Variants in PTPRD observed in about 807,000 individuals in gnomAD.
The protein encoded by PTPRD is receptor-type tyrosine-protein phosphatase delta.
A neutral mutation model predicts 214.5 loss-of-function variants in PTPRD; 34 were observed. The ratio of observed to expected loss-of-function variants is 0.16; its 90% CI spans 0.12 to 0.21. The LOEUF (loss-of-function observed/expected upper bound fraction) is 0.21, where lower values mean the gene tolerates loss of function less well. Ranked by LOEUF, PTPRD falls within the 10% of genes least tolerant of loss-of-function variation. PTPRD has a pLI of 1.00. For missense variants in PTPRD, 2,545 were observed against 2,398.7 expected (o/e 1.06, Z -1.27); for synonymous variants, 1,128 against 845.7 (o/e 1.33, Z -5.79).
rs116861919 is a variant in PTPRD at position 8,708,621 on chromosome 9, G to C, written c.64+25159C>G. 1.4e-3 allele frequency among the ~76,000 whole-genome samples: 196 copies of C among 143,190 alleles called. 3 individuals carry two copies. The East Asian group carries it at 0.041, about 30-fold the overall frequency. The allele number at this position is 143,190 out of a possible 152,430, so 93.9% of individuals were successfully genotyped here. A position where few individuals can be genotyped will look rare whatever the true frequency, so the allele number is the denominator to read the frequency against. ...TTGAACTTGGGAGTCGGAAGTTGCAGTGAGCCCAGATCGCACCAGTGCACT... is the reference window on the plus strand; with the variant it reads ...TTGAACTTGGGAGTCGGAAGTTGCACTGAGCCCAGATCGCACCAGTGCACT... On this transcript the variant is annotated intron_variant, in intron 12 of 45. Transcript: ENST00000381196.
intron 9 of PTPRD, among the ~76,000 whole-genome samples, chr9:9,281,959 C>T (rs1947857412): frequency 6.6e-6 from 1 of 151,232 alleles, no homozygotes; most frequent in Non-Finnish European, 1.5e-5. Context: ...CATGAAAAAA[C>T]ATGGAGAAAC....
At chr9:10,254,738 T>G (rs576443921) in intron 3 of PTPRD, among the ~76,000 whole-genome samples, 9 of 152,322 alleles carry the variant, frequency 5.9e-5, no homozygotes, top group Middle Eastern at 3.4e-3. Flanking sequence ...TACCCTGACA[T>G]GATTTTCTGT....
At chr9:8,747,973 T>G (rs1260451025) in intron 11 of PTPRD, among the ~76,000 whole-genome samples, 2 of 152,116 alleles carry the variant, frequency 1.3e-5, no homozygotes, top group East Asian at 3.9e-4. Context: ...TATATATGGT[T>G]CTTCAAATGG....
At chr9:9,746,448 C>T (rs948089758) in intron 6 of PTPRD, among the ~76,000 whole-genome samples, 5 of 152,244 alleles carry the variant, frequency 3.3e-5, no homozygotes, top group South Asian at 2.1e-4. Flanking sequence ...CAATGAGGAA[C>T]CACCTCTTCA....
chr9:8,509,533 C>T (rs982600199), intron 21 of PTPRD, among the ~76,000 whole-genome samples: 1 of 152,190 alleles, frequency 6.6e-6, no homozygotes, highest in Non-Finnish European at 1.5e-5. Flanking sequence ...ATTAGAAACA[C>T]AGACAACACT....
At chr9:8,704,758 C>CAAAA (rs569357894) in intron 12 of PTPRD, among the ~76,000 whole-genome samples, 1 of 137,880 alleles carries the variant, frequency 7.3e-6, no homozygotes, top group African/African-American at 2.7e-5. Context: ...ACTAAAAATA[C>CAAAA]AAAAAAAAAA....
chr9:9,876,570 C>T (rs1396447318), intron 5 of PTPRD, among the ~76,000 whole-genome samples: 1 of 152,106 alleles, frequency 6.6e-6, no homozygotes, highest in African/African-American at 2.4e-5. Context: ...AACAATAAGA[C>T]AAATATGAGA....
At chr9:8,610,398 T>C (rs2095405418) in intron 14 of PTPRD, among the ~76,000 whole-genome samples, 1 of 152,178 alleles carries the variant, frequency 6.6e-6, no homozygotes, top group Admixed American at 6.5e-5. Flanking sequence ...TTGTTCAACA[T>C]TACATTGCTA....
chr9:9,474,190 C>A (rs1000445936), intron 8 of PTPRD, among the ~76,000 whole-genome samples: 2 of 152,010 alleles, frequency 1.3e-5, no homozygotes, highest in Middle Eastern at 3.2e-3. Context: ...ATCCAGTTTT[C>A]CAGCACCATT....
intron 3 of PTPRD, among the ~76,000 whole-genome samples, chr9:10,197,118 C>A (rs2099401387): frequency 6.6e-6 from 1 of 152,076 alleles, no homozygotes; most frequent in South Asian, 2.1e-4. Context: ...AGAAATAAAA[C>A]TGTGTCGTGT....
chr9:8,609,368 G>C (rs1423690121), intron 14 of PTPRD, among the ~76,000 whole-genome samples: 2 of 152,136 alleles, frequency 1.3e-5, no homozygotes, highest in Non-Finnish European at 2.9e-5. Context: ...TTCAAGGTCA[G>C]GCTCTGTTTC....
At chr9:10,375,924 C>A (rs1173473605) in intron 2 of PTPRD, among the ~76,000 whole-genome samples, 2 of 152,092 alleles carry the variant, frequency 1.3e-5, no homozygotes, top group African/African-American at 4.8e-5. Context: ...TGTTTCAAAT[C>A]TGTTGCATAT....
intron 2 of PTPRD, among the ~76,000 whole-genome samples, chr9:10,444,831 TTAAC>T (rs377359937): frequency 5.1e-4 from 77 of 152,118 alleles, no homozygotes; most frequent in African/African-American, 1.5e-3. Flanking sequence ...GTGTTTAAAA[TTAAC>T]TAACTTTTTC....
intron 11 of PTPRD, among the ~76,000 whole-genome samples, chr9:8,830,091 A>C (rs1315858417): frequency 2.0e-5 from 3 of 152,140 alleles, no homozygotes; most frequent in African/African-American, 7.2e-5. Context: ...CCTTACATTT[A>C]TTAACTCTTT....
chr9:9,018,081 T>G (rs1188466971), intron 11 of PTPRD, among the ~76,000 whole-genome samples: 1 of 152,168 alleles, frequency 6.6e-6, no homozygotes, highest in African/African-American at 2.4e-5. Flanking sequence ...TTTATTATTT[T>G]CAGTTCTTCC....
chr9:9,348,667 T>C (rs2049892574), intron 9 of PTPRD, among the ~76,000 whole-genome samples: 2 of 152,122 alleles, frequency 1.3e-5, no homozygotes, highest in South Asian at 4.1e-4. Flanking sequence ...GTCTAGTAAG[T>C]CCAGATTCCA....
intron 10 of PTPRD, among the ~76,000 whole-genome samples, chr9:9,055,073 T>G (rs913414971): frequency 1.3e-5 from 2 of 152,186 alleles, no homozygotes. Flanking sequence ...TTGGTGCAGC[T>G]ATATGGAAGA....
chr9:10,168,734 T>C (rs1246469901), intron 3 of PTPRD, among the ~76,000 whole-genome samples: 2 of 152,222 alleles, frequency 1.3e-5, no homozygotes, highest in African/African-American at 4.8e-5. Context: ...TAAGTTTAAA[T>C]TTACTTTTTC....
intron 8 of PTPRD, among the ~76,000 whole-genome samples, chr9:9,434,071 G>A (rs575881805): frequency 3.9e-5 from 6 of 152,188 alleles, no homozygotes; most frequent in African/African-American, 1.2e-4. Flanking sequence ...GTCAGTCTGC[G>A]GTTTTGCATA....
Sources: gnomAD v4.1 joint callset for allele counts (sites outside exome capture counted in the v4.1 genomes callset) on GRCh38, gnomAD v4.1.1 for gene constraint, MANE v1.5 for transcripts, NCBI Gene and HGNC (gene_info 2026-07-23, HGNC 2026-07-21) for gene names.